WDR7: variants seen among roughly 807,000 people sequenced by gnomAD.
WDR7 encodes the protein WD repeat domain 7.
In WDR7, 46 loss-of-function variants were observed where a neutral mutation model predicts 169.4. The ratio of observed to expected loss-of-function variants is 0.27; its 90% CI spans 0.21 to 0.35. The LOEUF (loss-of-function observed/expected upper bound fraction) is 0.35, where lower values mean the gene tolerates loss of function less well. Among genes scored for constraint, WDR7 ranks in the 10% least tolerant of loss-of-function variants. The pLI is 1.00. For synonymous variants in WDR7, 612 were observed against 666.8 expected (o/e 0.92, Z 1.27); for missense variants, 1,534 against 1,859.3 (o/e 0.83, Z 3.22).
intron 19 of WDR7, among the ~76,000 whole-genome samples, chr18:56,807,497 C>A (rs531535646): frequency 1.3e-5 from 2 of 151,974 alleles, no homozygotes; most frequent in African/African-American, 4.8e-5. Context: ...AATGATGGAT[C>A]AATTTTTAGA....
chr18:56,739,320 C>G (rs1262934919), intron 14 of WDR7, among the ~76,000 whole-genome samples: 1 of 152,108 alleles, frequency 6.6e-6, no homozygotes, highest in Non-Finnish European at 1.5e-5. Context: ...GTAAGTACAT[C>G]TTTGACTTAT....
intron 16 of WDR7, among the ~76,000 whole-genome samples, chr18:56,775,964 G>T (rs1404370600): frequency 6.6e-6 from 1 of 152,176 alleles, no homozygotes; most frequent in African/African-American, 2.4e-5. Context: ...CCATAGGAAA[G>T]AAGTGTCAAA....
At chr18:56,652,013 T>G (rs572551354) in intron 1 of WDR7, among the ~76,000 whole-genome samples, 2 of 152,292 alleles carry the variant, frequency 1.3e-5, no homozygotes, top group Admixed American at 1.3e-4. Context: ...GACACCACTG[T>G]TAGAATTTCA....
chr18:56,835,540 T>C (rs2045382339), intron 20 of WDR7, among the ~76,000 whole-genome samples: 1 of 152,190 alleles, frequency 6.6e-6, no homozygotes, highest in South Asian at 2.1e-4. Flanking sequence ...TAGAGAGTTA[T>C]TGCCTGGATT....
intron 27 of WDR7, 39 bp downstream of exon 27, chr18:57,020,888 C>A (rs373782362): frequency 1.9e-6 from 3 of 1,578,564 alleles, no homozygotes; most frequent in Non-Finnish European, 2.6e-6. Flanking sequence ...GCATATACTG[C>A]GTGATATGCC....
chr18:56,924,891 G>A (rs1367745252), intron 22 of WDR7, among the ~76,000 whole-genome samples: 1 of 152,180 alleles, frequency 6.6e-6, no homozygotes, highest in Non-Finnish European at 1.5e-5. Flanking sequence ...AGTCCCCACA[G>A]AAGTCACCCT....
intron 20 of WDR7, among the ~76,000 whole-genome samples, chr18:56,821,242 A>C (rs1337203579): frequency 6.6e-6 from 1 of 152,336 alleles, no homozygotes; most frequent in East Asian, 1.9e-4. Flanking sequence ...AAGAAGAAAA[A>C]ATAGAGAAGG....
At position 56,777,031 on chromosome 18, in the gene WDR7, C is replaced by A. The variant is rs878924936; in HGVS notation, c.2947+151C>A. On this transcript the variant is annotated intron_variant, in intron 17 of 27. Coordinates refer to ENST00000254442, the MANE Select transcript of WDR7 (RefSeq NM_015285.3). ...TGACTTTATTTGCTAATGTCAATGACAAGAACCAGTTTTAAAAATGTAATG... is the reference window on the plus strand; with the variant it reads ...TGACTTTATTTGCTAATGTCAATGAAAAGAACCAGTTTTAAAAATGTAATG... 3 of 740,280 alleles carry A rather than the reference C, an allele frequency of 4.1e-6. No homozygotes were observed. The South Asian group carries it at 5.1e-5, about 13-fold the overall frequency. 45.9% of individuals were successfully genotyped at this position (740,280 alleles called of 1,614,324 possible).
At chr18:56,795,442 T>C (rs2145134855) in intron 19 of WDR7, among the ~76,000 whole-genome samples, 1 of 152,340 alleles carries the variant, frequency 6.6e-6, no homozygotes, top group East Asian at 1.9e-4. Flanking sequence ...ATTTGAATCT[T>C]AGAGTATATA....
intron 12 of WDR7, among the ~76,000 whole-genome samples, chr18:56,700,263 T>TC (rs2025797158): frequency 7.6e-6 from 1 of 130,800 alleles, no homozygotes; most frequent in African/African-American, 2.8e-5. Flanking sequence ...TTTTTTTTTT[T>TC]TTTTTTTTTT....
Position 56,730,524 on chromosome 18 carries a change from T to C in WDR7, c.1775-859T>C, listed in dbSNP as rs2026559872. On this transcript the variant is annotated intron_variant, in intron 13 of 27. Coordinates refer to ENST00000254442, the MANE Select transcript of WDR7 (RefSeq NM_015285.3). ...GCTCATGCCTGTAATCCCAGCACTT[T>C]GGGAGGCCGAGGCGGGCGGATCACG... is the stretch of plus-strand genomic sequence containing the variant. Among the ~76,000 whole-genome samples the C allele has an allele frequency of 2.0e-5, 3 of 152,116 alleles. No homozygotes were observed. The South Asian group carries it at 6.2e-4, about 32-fold the overall frequency.
At chr18:56,971,208 G>A (rs2047479702) in intron 26 of WDR7, among the ~76,000 whole-genome samples, 1 of 150,648 alleles carries the variant, frequency 6.6e-6, no homozygotes. Flanking sequence ...GGAGGCGGAA[G>A]TTGCAGTTTG....
At chr18:56,969,189 G>C (rs2047450713) in intron 26 of WDR7, among the ~76,000 whole-genome samples, 1 of 152,100 alleles carries the variant, frequency 6.6e-6, no homozygotes, top group African/African-American at 2.4e-5. Flanking sequence ...GCCTTTTCCT[G>C]TAACTGGCAT....
chr18:56,752,221 C>T (rs17090344), intron 14 of WDR7, among the ~76,000 whole-genome samples: 6,040 of 152,176 alleles, frequency 0.04, 390 homozygotes, highest in African/African-American at 0.14. Context: ...TAGTGGCTCC[C>T]GAGCCTGCAG....
chr18:56,853,732 C>T (rs979361995), intron 20 of WDR7, among the ~76,000 whole-genome samples: 5 of 152,080 alleles, frequency 3.3e-5, no homozygotes, highest in Admixed American at 2.0e-4. Flanking sequence ...TGTTTTGTCT[C>T]ATATATTGGT....
intron 20 of WDR7, among the ~76,000 whole-genome samples, chr18:56,854,824 G>C (rs919450798): frequency 6.6e-6 from 1 of 152,170 alleles, no homozygotes; most frequent in Admixed American, 6.5e-5. Flanking sequence ...AGGAGCTGGT[G>C]AAAGAGAGGG....
intron 26 of WDR7, among the ~76,000 whole-genome samples, chr18:56,994,222 C>G (rs1316831510): frequency 6.6e-6 from 1 of 151,978 alleles, no homozygotes; most frequent in Non-Finnish European, 1.5e-5. Context: ...TGGGGTTTCT[C>G]CATGTTGGCC....
At chr18:57,017,409 A>G (rs901119019) in intron 26 of WDR7, among the ~76,000 whole-genome samples, 11 of 108,482 alleles carry the variant, frequency 1.0e-4, no homozygotes, top group African/African-American at 4.1e-4. Context: ...TAGCAGCATC[A>G]TGCTGTGTGT....
chr18:56,880,004 A>G lies in WDR7; in HGVS notation c.3365A>G (p.Lys1122Arg). 6.2e-7 allele frequency: 1 copy of G among 1,614,122 alleles called. No homozygotes were observed. The highest frequency in any genetic ancestry group is 1.1e-5 in the South Asian group (1 of 91,076). The change falls in exon 21 of 28, where the codon AAG becomes AGG. Residue 1122 changes from lysine (K) to arginine (R), a missense_variant. By Grantham distance (26) the Lys-to-Arg change is conservative. Coordinates refer to ENST00000254442, the MANE Select transcript of WDR7 (RefSeq NM_015285.3). Reference protein sequence around the residue: ...KISTSYEERRKQATAIVLLGV... With the variant: ...KISTSYEERRRQATAIVLLGV... Reference sequence around the variant, plus strand: ...TCTACATCTTACGAGGAAAGACGGAAGCAAGCTACCGCTATTGTTTTACTT... The same window carrying G: ...TCTACATCTTACGAGGAAAGACGGAGGCAAGCTACCGCTATTGTTTTACTT...
Sources: gnomAD v4.1 joint callset for allele counts (sites outside exome capture counted in the v4.1 genomes callset) on GRCh38, gnomAD v4.1.1 for gene constraint, MANE v1.5 for transcripts, NCBI Gene and HGNC (gene_info 2026-07-23, HGNC 2026-07-21) for gene names.